ANO3: variants seen among roughly 807,000 people sequenced by gnomAD.
ANO3 encodes the protein anoctamin 3, also known as anoctamin-3.
In ANO3, 99 loss-of-function variants were observed where a neutral mutation model predicts 144.8. That is an observed-to-expected ratio of 0.68 (90% CI 0.58 to 0.81). The LOEUF is 0.81. Among genes scored for constraint, ANO3 ranks in the 30% least tolerant of loss-of-function variants. The pLI, the probability that ANO3 is intolerant of heterozygous loss-of-function variation, is 0.00. For synonymous variants in ANO3, 414 were observed against 392.6 expected, an observed-to-expected ratio of 1.05 and a Z score of -0.64; for missense variants, 905 against 1,202.2, an observed-to-expected ratio of 0.75 and a Z score of 3.66.
intron 24 of ANO3, among the ~76,000 whole-genome samples, chr11:26,650,139 C>T (rs539655296): frequency 6.6e-6 from 1 of 152,312 alleles, no homozygotes; most frequent in East Asian, 1.9e-4. Flanking sequence ...TGACACCACA[C>T]ATTCAGAGGA....
At chr11:26,233,527 A>G (rs112052423) in intron 1 of ANO3, among the ~76,000 whole-genome samples, 3 of 152,230 alleles carry the variant, frequency 2.0e-5, no homozygotes, top group African/African-American at 4.8e-5. Context: ...TGTGGAAGAC[A>G]GTGTGGTGGT....
rs377259944 is a variant in ANO3 at position 26,632,471 on chromosome 11, G to T, written c.1874-1733G>T. The stretch of plus-strand genomic sequence containing the variant: ...GCAGAGGTTGCAGTGAGCCGAGATT[G>T]TGCCATTGTAGTCCAGCCTGGGCAA... On this transcript the variant is annotated intron_variant, in intron 18 of 26. Transcript: ENST00000256737. 7.6e-4 allele frequency among the ~76,000 whole-genome samples: 114 copies of T among 149,704 alleles called. No homozygotes were observed. In the Middle Eastern group the frequency reaches 0.011, roughly 14 times the overall value.
At position 26,643,241 on chromosome 11, in the gene ANO3, G is replaced by T; in HGVS notation, c.2335G>T (p.Ala779Ser). ...VAAFPLAPLLALLNNIIEIRL... is the reference protein window; with the variant it reads ...VAAFPLAPLLSLLNNIIEIRL... Reference sequence around the variant, plus strand: ...GGCTTTTCCTCTAGCCCCTCTTTTGGCTTTGTTAAACAATATCATTGAAAT... The same window carrying T: ...GGCTTTTCCTCTAGCCCCTCTTTTGTCTTTGTTAAACAATATCATTGAAAT... The change falls in exon 23 of 27, where the codon GCT becomes TCT. Residue 779 changes from alanine to serine, a missense_variant. Ala to Ser is a moderately conservative substitution (Grantham distance 99, BLOSUM62 1). This residue lies in a region of ANO3 where 597 missense variants were observed against 865.1 expected (regional missense o/e 0.69). Coordinates refer to ENST00000256737, the MANE Select transcript of ANO3 (RefSeq NM_031418.4). 7.4e-6 allele frequency: 12 copies of T among 1,614,052 alleles called. No homozygotes were observed. The highest frequency in any genetic ancestry group is 1.0e-5 in the Non-Finnish European group (12 of 1,179,980).
At chr11:26,465,484 T>C (rs1859570833) in intron 4 of ANO3, among the ~76,000 whole-genome samples, 1 of 151,598 alleles carries the variant, frequency 6.6e-6, no homozygotes, top group South Asian at 2.1e-4. Context: ...AGCAAATTTA[T>C]GAGGAGTCAA....
intron 1 of ANO3, among the ~76,000 whole-genome samples, chr11:26,270,132 A>AT (rs1853409129): frequency 6.6e-6 from 1 of 152,092 alleles, no homozygotes; most frequent in African/African-American, 2.4e-5. Flanking sequence ...TTCAGCTTTC[A>AT]TTTTTCTTTT....
chr11:26,594,134 G>A (rs140157297), intron 14 of ANO3, among the ~76,000 whole-genome samples: 4 of 152,248 alleles, frequency 2.6e-5, no homozygotes, highest in Admixed American at 6.5e-5. Context: ...TGTTATAGTG[G>A]ACATCATTGA....
intron 8 of ANO3, among the ~76,000 whole-genome samples, chr11:26,533,302 A>G (rs148630644): frequency 0.01 from 1,542 of 152,312 alleles, 25 homozygotes; most frequent in African/African-American, 0.031. Context: ...AAGAAGAAAC[A>G]GAGCAAAATC....
At chr11:26,500,045 T>C (rs890627662) in intron 4 of ANO3, among the ~76,000 whole-genome samples, 1 of 152,032 alleles carries the variant, frequency 6.6e-6, no homozygotes, top group Non-Finnish European at 1.5e-5. Context: ...CAGTTTTATA[T>C]GGATGGAATT....
chr11:26,644,618 G>A (rs73436335), intron 23 of ANO3, among the ~76,000 whole-genome samples: 3 of 151,962 alleles, frequency 2.0e-5, no homozygotes, highest in Non-Finnish European at 4.4e-5. Flanking sequence ...AATATAAAAA[G>A]GATTTTTGGA....
intron 1 of ANO3, among the ~76,000 whole-genome samples, chr11:26,350,049 A>C (rs1855600456): frequency 6.6e-6 from 1 of 150,610 alleles, no homozygotes; most frequent in African/African-American, 2.4e-5. Context: ...GGGAGGAGAC[A>C]GGAACGGAAG....
At chr11:26,654,286 T>C (rs1853617781) in intron 24 of ANO3, among the ~76,000 whole-genome samples, 1 of 152,144 alleles carries the variant, frequency 6.6e-6, no homozygotes, top group Non-Finnish European at 1.5e-5. Context: ...CTCTGAGACA[T>C]GTGGTTTGGT....
At chr11:26,454,321 G>C (rs941696128) in intron 3 of ANO3, among the ~76,000 whole-genome samples, 1 of 152,230 alleles carries the variant, frequency 6.6e-6, no homozygotes, top group East Asian at 1.9e-4. Context: ...AAAATTGATA[G>C]ACCACTAGCA....
intron 1 of ANO3, among the ~76,000 whole-genome samples, chr11:26,303,086 T>G (rs951479836): frequency 7.2e-5 from 11 of 152,192 alleles, no homozygotes; most frequent in Admixed American, 6.5e-4. Flanking sequence ...ACTTATACAC[T>G]GTTGGTGGAA....
chr11:26,190,649 T>A (rs1285645877), intron 1 of ANO3, among the ~76,000 whole-genome samples: 1 of 152,212 alleles, frequency 6.6e-6, no homozygotes, highest in African/African-American at 2.4e-5. Context: ...TCCATTAGAT[T>A]CAACTATTGT....
chr11:26,553,844 T>C (rs986119420), intron 13 of ANO3, among the ~76,000 whole-genome samples: 1 of 152,116 alleles, frequency 6.6e-6, no homozygotes, highest in Non-Finnish European at 1.5e-5. Context: ...TGAATATCGG[T>C]GTATTTCAAA....
At chr11:26,639,713 T>A (rs1300745547) in intron 21 of ANO3, among the ~76,000 whole-genome samples, 1 of 152,152 alleles carries the variant, frequency 6.6e-6, no homozygotes, top group Non-Finnish European at 1.5e-5. Flanking sequence ...AAGAAAAAAA[T>A]GTTAGAACAG....
At chr11:26,344,592 C>T (rs1855452936) in intron 1 of ANO3, among the ~76,000 whole-genome samples, 1 of 152,020 alleles carries the variant, frequency 6.6e-6, no homozygotes, top group Non-Finnish European at 1.5e-5. Context: ...GTCTTGATCT[C>T]CTGACCTTGT....
chr11:26,642,489 T>C (rs1458090873), intron 22 of ANO3, among the ~76,000 whole-genome samples: 1 of 127,174 alleles, frequency 7.9e-6, no homozygotes, highest in Non-Finnish European at 1.8e-5. Flanking sequence ...GTAGCTGGGA[T>C]TACAGGTGCA....
chr11:26,239,658 ACCT>A (rs1852616173), intron 1 of ANO3, among the ~76,000 whole-genome samples: 1 of 151,982 alleles, frequency 6.6e-6, no homozygotes, highest in East Asian at 1.9e-4. Context: ...CCTTATTAAC[ACCT>A]TGTCCTCCTA....
Sources: gnomAD v4.1 joint callset for allele counts (sites outside exome capture counted in the v4.1 genomes callset) on GRCh38, gnomAD v4.1.1 for gene constraint, gnomAD v4.1.1 regional missense constraint, MANE v1.5 for transcripts, NCBI Gene and HGNC (gene_info 2026-07-23, HGNC 2026-07-21) for gene names.